The following KBTBD12 variants were observed in gnomAD, a reference collection of about 807,000 sequenced individuals.
KBTBD12 encodes kelch repeat and BTB domain containing 12, also known as kelch repeat and BTB domain-containing protein 12.
A neutral mutation model predicts 58.7 loss-of-function variants in KBTBD12; 53 were observed. The observed-to-expected ratio is 0.90, with a 90% CI of 0.72 to 1.14. KBTBD12 has a LOEUF of 1.14. KBTBD12 is among the 50% of genes most tolerant of loss of function. The probability of loss-of-function intolerance (pLI) is 0.00; values close to 1 mark genes in which losing one functional copy is unlikely to be tolerated. For synonymous variants in KBTBD12, 236 were observed against 259.8 expected, an observed-to-expected ratio of 0.91 and a Z score of 0.88; for missense variants, 704 against 751.3, an observed-to-expected ratio of 0.94 and a Z score of 0.74.
rs146788154 is a variant in KBTBD12 at position 127,928,450 on chromosome 3, G to A, written c.1341+416G>A. On this transcript the variant is annotated intron_variant, in intron 3 of 5. Coordinates refer to ENST00000405109, the MANE Select transcript of KBTBD12 (RefSeq NM_207335.4). The stretch of plus-strand genomic sequence containing the variant: ...CATATTTAAAATTCTTACTCTAAGT[G>A]AGACACCAGAATACCGATCTGTGAT... Among the ~76,000 whole-genome samples the A allele has an allele frequency of 4.3e-3, 662 of 152,336 alleles. 7 individuals carry two copies. Among genetic ancestry groups the A allele is most frequent in the African/African-American group, 0.014 (589 of 41,586 alleles).
intron 5 of KBTBD12, among the ~76,000 whole-genome samples, chr3:127,978,687 G>T (rs1195220903): frequency 4.6e-5 from 7 of 152,258 alleles, no homozygotes; most frequent in African/African-American, 1.7e-4. Context: ...GCAATAGCAG[G>T]GGCTGGGCTG....
chr3:127,982,921 G>A (rs1303678120), intron 5 of KBTBD12, among the ~76,000 whole-genome samples: 2 of 152,208 alleles, frequency 1.3e-5, no homozygotes, highest in Admixed American at 1.3e-4. Flanking sequence ...TGTTGCCCAG[G>A]TGGAGTATGC....
chr3:127,958,812 C>T lies in KBTBD12; in HGVS notation c.1493-4377C>T, dbSNP rs535401283. 6.0e-4 allele frequency among the ~76,000 whole-genome samples: 92 copies of T among 152,076 alleles called. 1 individual carries two copies. Among genetic ancestry groups the T allele is most frequent in the Non-Finnish European group, 7.8e-4 (53 of 67,988 alleles). On this transcript the variant is annotated intron_variant, in intron 4 of 5. Coordinates refer to ENST00000405109, the MANE Select transcript of KBTBD12 (RefSeq NM_207335.4). ...AGATGATTGTGTTTTCCTGGCCTGG[C>T]AAGAAAAAGCTGGTCAAGGGCTATG...
chr3:127,942,358 A>C (rs763813445), intron 4 of KBTBD12, among the ~76,000 whole-genome samples: 9 of 152,144 alleles, frequency 5.9e-5, no homozygotes, highest in Non-Finnish European at 1.0e-4. Flanking sequence ...TGTAGTCATC[A>C]TGCTGTACTA....
At chr3:127,956,374 T>G (rs1425470116) in intron 4 of KBTBD12, among the ~76,000 whole-genome samples, 1 of 152,138 alleles carries the variant, frequency 6.6e-6, no homozygotes, top group Non-Finnish European at 1.5e-5. Context: ...TTACACTTTA[T>G]TCCATCAGTG....
chr3:127,931,969 T>C (rs576136022), intron 4 of KBTBD12, among the ~76,000 whole-genome samples: 1 of 152,074 alleles, frequency 6.6e-6, no homozygotes, highest in Admixed American at 6.6e-5. Context: ...TAGAGGCCTT[T>C]GGATGAAGAA....
chr3:127,932,524 A>G (rs77061114), intron 4 of KBTBD12, among the ~76,000 whole-genome samples: 5,902 of 152,068 alleles, frequency 0.039, 357 homozygotes, highest in African/African-American at 0.13. Context: ...TAATCCCTAT[A>G]ATGGATTTAA....
chr3:127,918,711 C>CAA lies in KBTBD12; in HGVS notation c.-113+3138_-113+3139dup, dbSNP rs56759676. On this transcript the variant is annotated intron_variant, in intron 1 of 5. Coordinates refer to ENST00000405109, the MANE Select transcript of KBTBD12 (RefSeq NM_207335.4). ...TGGGCGACAGAGCGAGACTCCGTCT[C>CAA]AAAAAAAAAAAAAAGAAAAAGAAAA... Among the ~76,000 whole-genome samples the CAA allele has an allele frequency of 6.6e-4, 77 of 117,524 alleles. 1 individual carries two copies. Among genetic ancestry groups the CAA allele is most frequent in the Admixed American group, 2.4e-3 (28 of 11,572 alleles). 77.1% of individuals were successfully genotyped at this position (117,524 alleles called of 152,430 possible).
chr3:127,953,327 G>T (rs937711202), intron 4 of KBTBD12, among the ~76,000 whole-genome samples: 1 of 152,160 alleles, frequency 6.6e-6, no homozygotes, highest in South Asian at 2.1e-4. Context: ...GGAGTCAAAG[G>T]ACTGAGTCTT....
At position 127,963,278 on chromosome 3, in the gene KBTBD12, C is replaced by T. The variant is rs138448623; in HGVS notation, c.1582C>T (p.Arg528Ter). 3.6e-4 allele frequency: 588 copies of T among 1,611,692 alleles called. No individual in the cohort carries two copies. The African/African-American group carries it at 4.8e-3, about 13-fold the overall frequency. The stretch of plus-strand genomic sequence containing the variant: ...CTACAACCCAGATGGGGACTTTTGG[C>T]GAGAGGGCCCTCCCATGCCAAGTCC... ...EIYNPDGDFW[R>*]EGPPMPSPLL... Residue 528 changes from arginine (R) to a stop codon, truncating the protein, a stop_gained, in exon 5 of 6, where the codon CGA becomes TGA. Coordinates refer to ENST00000405109, the MANE Select transcript of KBTBD12 (RefSeq NM_207335.4). LOFTEE classifies it high-confidence loss of function.
At chr3:127,959,653 C>T (rs1268966521) in intron 4 of KBTBD12, among the ~76,000 whole-genome samples, 1 of 152,186 alleles carries the variant, frequency 6.6e-6, no homozygotes, top group African/African-American at 2.4e-5. Flanking sequence ...ACACACCGTG[C>T]ATGAGAATAG....
At chr3:127,933,002 T>C (rs116734438) in intron 4 of KBTBD12, among the ~76,000 whole-genome samples, 13 of 152,296 alleles carry the variant, frequency 8.5e-5, no homozygotes, top group Non-Finnish European at 1.8e-4. Flanking sequence ...TTTTAAGATC[T>C]GACATGCCGG....
At chr3:127,933,456 A>G (rs568528146) in intron 4 of KBTBD12, among the ~76,000 whole-genome samples, 13 of 152,284 alleles carry the variant, frequency 8.5e-5, no homozygotes, top group South Asian at 4.1e-4. Flanking sequence ...ACAGCCCACA[A>G]AAGAACTGGC....
In KBTBD12 at chr3:127,963,223, G is replaced by C. The variant is rs1258784780; in HGVS notation, c.1527G>C (p.Gln509His). 2.5e-6 allele frequency: 4 copies of C among 1,612,288 alleles called. No homozygotes were observed. Among genetic ancestry groups the C allele is most frequent in the East Asian group, 4.5e-5 (2 of 44,826 alleles). The change falls in exon 5 of 6, where the codon CAG becomes CAC. Residue 509 changes from glutamine (Q) to histidine (H), a missense_variant. Gln to His is a conservative substitution (Grantham distance 24). Transcript: ENST00000405109. ...GIGCVGQDKG[Q>H]VRKCLDVVEI... ...GCTGTGTAGGTCAAGACAAGGGCCA[G>C]GTTCGAAAATGCCTTGACGTGGTGG...
chr3:127,941,438 A>G (rs891460665), intron 4 of KBTBD12, among the ~76,000 whole-genome samples: 1 of 152,010 alleles, frequency 6.6e-6, no homozygotes, highest in Non-Finnish European at 1.5e-5. Flanking sequence ...AATCACATCA[A>G]TTGATGCCTA....
At chr3:127,956,989 G>A (rs573546031) in intron 4 of KBTBD12, among the ~76,000 whole-genome samples, 8 of 152,266 alleles carry the variant, frequency 5.3e-5, no homozygotes, top group South Asian at 4.1e-4. Flanking sequence ...AGAGAAGAAC[G>A]TAATACATAT....
chr3:127,925,943 C>T (rs1436850618), intron 2 of KBTBD12, among the ~76,000 whole-genome samples: 1 of 152,120 alleles, frequency 6.6e-6, no homozygotes, highest in Non-Finnish European at 1.5e-5. Flanking sequence ...TGTTCTTCAG[C>T]TTGCCTCTAC....
At chr3:127,945,366 A>G (rs1940057056) in intron 4 of KBTBD12, among the ~76,000 whole-genome samples, 1 of 150,116 alleles carries the variant, frequency 6.7e-6, no homozygotes, top group African/African-American at 2.4e-5. Flanking sequence ...TTGTATTTTT[A>G]GTAGAGACAG....
chr3:127,925,222 C>T (rs1281829110), intron 2 of KBTBD12, among the ~76,000 whole-genome samples: 1 of 152,152 alleles, frequency 6.6e-6, no homozygotes, highest in African/African-American at 2.4e-5. Context: ...GACCTAGACC[C>T]GTGCCCATGG....
Sources: allele counts gnomAD v4.1 joint callset (sites outside exome capture counted in the v4.1 genomes callset), GRCh38; gene constraint gnomAD v4.1.1; transcripts MANE v1.5; gene names NCBI Gene and HGNC (gene_info 2026-07-23, HGNC 2026-07-21).